Variants in ATP8B1 observed in about 807,000 individuals in gnomAD.
ATP8B1 encodes phospholipid-transporting ATPase IC.
ATP8B1 carries 80 observed loss-of-function variants against 149.9 expected under a neutral mutation model. The observed-to-expected ratio is 0.53, with a 90% CI of 0.45 to 0.64. The LOEUF (loss-of-function observed/expected upper bound fraction) is 0.64, where lower values mean the gene tolerates loss of function less well. Among genes scored for constraint, ATP8B1 ranks in the 30% least tolerant of loss-of-function variants. ATP8B1 has a pLI of 0.00. For missense variants in ATP8B1, 1,247 were observed against 1,552.6 expected (o/e 0.80, Z 3.31); for synonymous variants, 536 against 562.8 (o/e 0.95, Z 0.67).
chr18:57,778,538 C>G (rs2080330950), intron 1 of ATP8B1, among the ~76,000 whole-genome samples: 1 of 152,090 alleles, frequency 6.6e-6, no homozygotes, highest in Admixed American at 6.6e-5. Context: ...CCTATAATCT[C>G]AGTTTCAATG....
chr18:57,684,284 A>C, intron 14 of ATP8B1, 92 bp from the exon 15 acceptor site: 9 of 1,380,206 alleles, frequency 6.5e-6, no homozygotes, highest in Non-Finnish European at 9.0e-6. Flanking sequence ...CAAGGTTTCA[A>C]TTATGCAAAA....
At chr18:57,681,620 G>C (rs776846118) in intron 15 of ATP8B1, among the ~76,000 whole-genome samples, 16 of 152,084 alleles carry the variant, frequency 1.1e-4, no homozygotes, top group Non-Finnish European at 2.1e-4. Flanking sequence ...GGCCAACATG[G>C]TGAAGCCCCA....
intron 1 of ATP8B1, among the ~76,000 whole-genome samples, chr18:57,770,067 A>ATTTTTTTTTTT (rs67664390): frequency 7.5e-6 from 1 of 134,014 alleles, no homozygotes; most frequent in Non-Finnish European, 1.6e-5. Flanking sequence ...GCTGAACTGC[A>ATTTTTTTTTTT]TTTTTTTTTT....
At position 57,756,293 on chromosome 18, in the gene ATP8B1, G is replaced by GTATATATATATATA. The variant is rs755702972; in HGVS notation, c.-25-24462_-25-24461insTATATATATATATA. On this transcript the variant is annotated intron_variant, in intron 1 of 27. Transcript: ENST00000648908. ...ATATTTACACAACATATATATGTGT[G>GTATATATATATATA]TGTGTATGTATATATATATATATTT... is the stretch of plus-strand genomic sequence containing the variant. 4.6e-5 allele frequency among the ~76,000 whole-genome samples: 4 copies of GTATATATATATATA among 87,130 alleles called. 1 individual carries two copies. The highest frequency in any genetic ancestry group is 6.7e-4 in the South Asian group (2 of 2,968). The allele number at this position is 87,130 out of a possible 152,430, so 57.2% of individuals were successfully genotyped here. A position where few individuals can be genotyped will look rare whatever the true frequency, so the allele number is the denominator to read the frequency against.
intron 1 of ATP8B1, among the ~76,000 whole-genome samples, chr18:57,768,270 C>A (rs2080231492): frequency 6.6e-6 from 1 of 150,448 alleles, no homozygotes; most frequent in African/African-American, 2.4e-5. Flanking sequence ...ACCTGTAGTC[C>A]CAGCTACTGG....
At chr18:57,790,895 A>G (rs1774685107) in intron 1 of ATP8B1, among the ~76,000 whole-genome samples, 2 of 151,570 alleles carry the variant, frequency 1.3e-5, no homozygotes, top group African/African-American at 4.9e-5. Context: ...TAATTTTTGT[A>G]TTTTTTAGTA....
chr18:57,714,075 G>A (rs1462007756), intron 2 of ATP8B1, among the ~76,000 whole-genome samples: 1 of 152,156 alleles, frequency 6.6e-6, no homozygotes, highest in African/African-American at 2.4e-5. Flanking sequence ...CCTGAAGGGT[G>A]ACTGAAAGGA....
rs1331789220 is a variant in ATP8B1, at chr18:57,720,492, A to G, written c.181+11135T>C. Among the ~76,000 whole-genome samples the G allele has an allele frequency of 1.3e-3, 136 of 106,622 alleles. 3 individuals carry two copies. Among genetic ancestry groups the G allele is most frequent in the Non-Finnish European group, 3.2e-4 (17 of 52,518 alleles). The allele number at this position is 106,622 out of a possible 152,430, so 69.9% of individuals were successfully genotyped here. A position where few individuals can be genotyped will look rare whatever the true frequency, so the allele number is the denominator to read the frequency against. ...GATGCGATCAACTGGAAGAAAGGGT[A>G]TCAGCAATGGAAGATGAAATGAATG... On this transcript the variant is annotated intron_variant, in intron 2 of 27. Transcript: ENST00000648908.
intron 12 of ATP8B1, among the ~76,000 whole-genome samples, chr18:57,690,805 G>A (rs889572048): frequency 6.6e-6 from 1 of 152,188 alleles, no homozygotes; most frequent in Non-Finnish European, 1.5e-5. Context: ...TCTGGCTGCT[G>A]GGTTTATTCC....
At chr18:57,715,782 A>G (rs2079577966) in intron 2 of ATP8B1, among the ~76,000 whole-genome samples, 1 of 152,194 alleles carries the variant, frequency 6.6e-6, no homozygotes, top group Non-Finnish European at 1.5e-5. Context: ...TTCCCAGACA[A>G]ACAAAAGCTG....
At chr18:57,768,048 T>C (rs1292762224) in intron 1 of ATP8B1, among the ~76,000 whole-genome samples, 3 of 152,158 alleles carry the variant, frequency 2.0e-5, no homozygotes, top group Non-Finnish European at 4.4e-5. Flanking sequence ...TTATACATTA[T>C]ATACAGTCTA....
chr18:57,655,786 T>C (rs1909957017), intron 22 of ATP8B1, among the ~76,000 whole-genome samples: 1 of 152,190 alleles, frequency 6.6e-6, no homozygotes, highest in Non-Finnish European at 1.5e-5. Context: ...GTGTCAGTCA[T>C]GGGCAGATAT....
intron 1 of ATP8B1, among the ~76,000 whole-genome samples, chr18:57,753,636 A>G (rs2080044368): frequency 6.6e-6 from 1 of 152,194 alleles, no homozygotes; most frequent in African/African-American, 2.4e-5. Flanking sequence ...ATTTTAAAAA[A>G]TGAAATACAG....
Position 57,691,848 on chromosome 18 carries a change from G to A in ATP8B1, c.1179C>T (p.Ile393=), listed in dbSNP as rs776007345. 1 of 1,614,120 alleles carries A rather than the reference G, an allele frequency of 6.2e-7. No homozygotes were observed. Among genetic ancestry groups the A allele is most frequent in the East Asian group, 2.2e-5 (1 of 44,884 alleles). Reference sequence around the variant, plus strand: ...TGGGTACCATGGTGTTGAGAACAATGATATAGCCCCAGAAAATGAGGAATC... The same window carrying A: ...TGGGTACCATGGTGTTGAGAACAATAATATAGCCCCAGAAAATGAGGAATC... The part of the protein sequence containing the change: ...YRGFLIFWGY[I]IVLNTMVPIS... Residue 393 remains isoleucine (I), a synonymous_variant, in exon 12 of 28, where the codon ATC becomes ATT. Transcript: ENST00000648908.
intron 1 of ATP8B1, among the ~76,000 whole-genome samples, chr18:57,797,909 G>GT (rs2080532101): frequency 6.6e-6 from 1 of 151,892 alleles, no homozygotes; most frequent in Non-Finnish European, 1.5e-5. Flanking sequence ...GTTTCACTAT[G>GT]TGGGCAGGCT....
intron 2 of ATP8B1, among the ~76,000 whole-genome samples, chr18:57,711,496 G>C (rs1213312666): frequency 6.6e-6 from 1 of 152,204 alleles, no homozygotes; most frequent in Non-Finnish European, 1.5e-5. Flanking sequence ...ATATGTGTAT[G>C]GGTATATGAG....
At chr18:57,704,281 A>G (rs898510004) in intron 4 of ATP8B1, among the ~76,000 whole-genome samples, 13 of 152,074 alleles carry the variant, frequency 8.5e-5, no homozygotes, top group African/African-American at 2.7e-4. Context: ...TTTTAGTTTT[A>G]TTCACTTCAG....
rs201780266 is a variant in ATP8B1, at chr18:57,687,537, CAT to C, written c.1429+760_1429+761del. Among the ~76,000 whole-genome samples, 880 of 152,262 alleles carry C rather than the reference CAT, an allele frequency of 5.8e-3. 11 individuals carry two copies. Among genetic ancestry groups the C allele is most frequent in the Middle Eastern group, 0.027 (8 of 294 alleles). ...GAGTTCAGGTTCATCTGTGTTGTAG[CAT>C]GTGTCAAATTTTCCTTCCTTTCTTA... On this transcript the variant is annotated intron_variant, in intron 13 of 27. Transcript: ENST00000648908.
rs71171072 is a variant in ATP8B1 at position 57,713,196 on chromosome 18, T to TTTCCTTCCTTCC, written c.182-6621_182-6610dup. Among the ~76,000 whole-genome samples the TTTCCTTCCTTCC allele has an allele frequency of 2.7e-4, 24 of 89,974 alleles. 1 individual carries two copies. The highest frequency in any genetic ancestry group is 5.0e-4 in the Admixed American group (4 of 8,068). The allele number at this position is 89,974 out of a possible 152,430, so 59.0% of individuals were successfully genotyped here. On this transcript the variant is annotated intron_variant, in intron 2 of 27. Coordinates refer to ENST00000648908, the MANE Select transcript of ATP8B1 (RefSeq NM_001374385.1). The stretch of plus-strand genomic sequence containing the variant: ...CTTTCTTTCTTTCTTTCTTTCTTTC[T>TTTCCTTCCTTCC]TTCCTTCCTTCCTTCCTTCCTTCCT...
Sources: gnomAD v4.1 joint callset for allele counts (sites outside exome capture counted in the v4.1 genomes callset) on GRCh38, gnomAD v4.1.1 for gene constraint, MANE v1.5 for transcripts, NCBI Gene and HGNC (gene_info 2026-07-23, HGNC 2026-07-21) for gene names.